The following ZNF184 variants were observed in gnomAD, a reference collection of about 807,000 sequenced individuals.
The protein encoded by ZNF184 is zinc finger protein 184 (Kruppel-like).
A neutral mutation model predicts 54.4 loss-of-function variants in ZNF184; 16 were observed. The ratio of observed to expected loss-of-function variants is 0.29; its 90% CI spans 0.20 to 0.45. The LOEUF is 0.45. Among genes scored for constraint, ZNF184 ranks in the 20% least tolerant of loss-of-function variants. The probability of loss-of-function intolerance (pLI) is 1.00; values close to 1 mark genes in which losing one functional copy is unlikely to be tolerated. For missense variants in ZNF184, 681 were observed against 888.2 expected (o/e 0.77, Z 2.97); for synonymous variants, 254 against 295.3 (o/e 0.86, Z 1.43).
the ZNF184 span, among the ~76,000 whole-genome samples, chr6:27,419,036 C>T: frequency 6.6e-6 from 1 of 151,924 alleles, no homozygotes; most frequent in Non-Finnish European, 1.5e-5. This position sits in a 1 kb window ranked among gnomAD's most constrained non-coding sequence, Gnocchi z 4.8. Context: ...TTGAGTAAGG[C>T]GATGAACTTT....
intron 3 of ZNF184, among the ~76,000 whole-genome samples, chr6:27,467,231 C>T (rs548543954): frequency 3.2e-4 from 48 of 152,266 alleles, no homozygotes; most frequent in Middle Eastern, 3.4e-3. Context: ...CTCTAATATC[C>T]ACATTACTCA....
At chr6:27,457,819 C>T (rs115314215) in intron 3 of ZNF184, among the ~76,000 whole-genome samples, 3,583 of 151,846 alleles carry the variant, frequency 0.024, 64 homozygotes, top group Non-Finnish European at 0.04. Context: ...AAAGACTTGC[C>T]CTAATACATT....
intron 3 of ZNF184, among the ~76,000 whole-genome samples, chr6:27,460,596 G>A (rs1762971181): frequency 6.6e-6 from 1 of 152,200 alleles, no homozygotes; most frequent in African/African-American, 2.4e-5. Flanking sequence ...TGGTCTTACT[G>A]AGCTGAGGAG....
At chr6:27,428,544 C>T in the ZNF184 span, among the ~76,000 whole-genome samples, 3 of 152,044 alleles carry the variant, frequency 2.0e-5, no homozygotes. This position sits in a 1 kb window ranked among gnomAD's most constrained non-coding sequence, Gnocchi z 4.1. Flanking sequence ...TCTCATCCGA[C>T]CCAAACTCCA....
intron 3 of ZNF184, among the ~76,000 whole-genome samples, chr6:27,460,482 C>T (rs1015208694): frequency 3.9e-5 from 6 of 152,080 alleles, no homozygotes; most frequent in African/African-American, 4.8e-5. Flanking sequence ...AGAAGTGATA[C>T]GGAGAGAAGG....
At chr6:27,405,601 A>G in the ZNF184 span, 1 of 152,252 alleles carries the variant, frequency 6.6e-6, no homozygotes, top group Non-Finnish European at 1.5e-5. Flanking sequence ...TAAGGGACTT[A>G]TACTTAGCGT....
chr6:27,423,987 G>C, the ZNF184 span, among the ~76,000 whole-genome samples: 2 of 152,162 alleles, frequency 1.3e-5, no homozygotes. Context: ...TCTGGAAATG[G>C]TGGGTTCTTG....
At chr6:27,431,252 A>G in the ZNF184 span, among the ~76,000 whole-genome samples, 10 of 152,220 alleles carry the variant, frequency 6.6e-5, no homozygotes, top group South Asian at 2.1e-4. Flanking sequence ...CTATTCAGGG[A>G]TGGGTTCATC....
At chr6:27,423,330 G>C in the ZNF184 span, among the ~76,000 whole-genome samples, 34 of 152,160 alleles carry the variant, frequency 2.2e-4, no homozygotes, top group Admixed American at 1.2e-3. Context: ...AACAGGAATA[G>C]CTTCTTTTCA....
intron 2 of ZNF184, among the ~76,000 whole-genome samples, chr6:27,469,141 G>T (rs55923755): frequency 0.011 from 1,719 of 152,150 alleles, 36 homozygotes; most frequent in African/African-American, 0.04. Context: ...TCTTCTTTAG[G>T]CTTCAATTTC....
chr6:27,416,447 A>G, the ZNF184 span, among the ~76,000 whole-genome samples: 3 of 152,198 alleles, frequency 2.0e-5, no homozygotes, highest in East Asian at 3.8e-4. Context: ...TTGGCTCATC[A>G]TGCTTCCTAG....
At chr6:27,409,894 A>T in the ZNF184 span, among the ~76,000 whole-genome samples, 1 of 152,222 alleles carries the variant, frequency 6.6e-6, no homozygotes, top group Non-Finnish European at 1.5e-5. Flanking sequence ...CTCTATTCAC[A>T]GGAAGTGCCC....
At position 27,459,387 on chromosome 6, in the gene ZNF184, G is replaced by GA. The variant is rs60873240; in HGVS notation, c.76-1979dup. ...ATTACATGTCAACTAAAAATTAAGG[G>GA]AAAAAAAAAAGATCAACTACCCACA... On this transcript the variant is annotated intron_variant, in intron 3 of 5. Coordinates refer to ENST00000683788, the MANE Select transcript of ZNF184 (RefSeq NM_001318891.2). Among the ~76,000 whole-genome samples the GA allele has an allele frequency of 1.7e-4, 25 of 144,942 alleles. No homozygotes were observed. The South Asian group carries it at 1.7e-3, about 10-fold the overall frequency.
the ZNF184 span, among the ~76,000 whole-genome samples, chr6:27,423,395 T>TC: frequency 4.6e-5 from 7 of 152,218 alleles, no homozygotes; most frequent in Non-Finnish European, 1.0e-4. Context: ...CTTTTTTTGT[T>TC]AGATTTTATT....
the ZNF184 span, chr6:27,406,841 T>C: frequency 0.036 from 5,438 of 152,390 alleles, 203 homozygotes; most frequent in African/African-American, 0.095. Context: ...TTCCTCCCTG[T>C]GTGCATCCCT....
Position 27,452,269 on chromosome 6 carries a change from G to A in ZNF184, c.1290C>T (p.His430=), listed in dbSNP as rs61736956. The change falls in exon 6 of 6, where the codon CAC becomes CAT. Residue 430 remains histidine, a synonymous_variant. Transcript: ENST00000683788. This position sits in a 1 kb window ranked among gnomAD's most constrained non-coding sequence, Gnocchi z 5.5. ...TTTTTTGATGCTGAGTGAGGTTTGA[G>A]TGCTGGCTGAAGGCTTTCCCACATT... is the stretch of plus-strand genomic sequence containing the variant. The part of the protein sequence containing the change: ...CNECGKAFSQ[H]SNLTQHQKTH... 1 of 1,614,056 alleles carries A rather than the reference G, an allele frequency of 6.2e-7. No homozygotes were observed. Among genetic ancestry groups the A allele is most frequent in the Middle Eastern group, 1.7e-4 (1 of 6,060 alleles).
the ZNF184 span, among the ~76,000 whole-genome samples, chr6:27,420,214 A>T: frequency 5.9e-5 from 9 of 152,212 alleles, no homozygotes; most frequent in African/African-American, 2.2e-4. Context: ...TAATATTCCC[A>T]GGTACCCAAC....
chr6:27,425,143 G>T, the ZNF184 span, among the ~76,000 whole-genome samples: 1 of 152,186 alleles, frequency 6.6e-6, no homozygotes, highest in South Asian at 2.1e-4. Context: ...CCAAGCCCAC[G>T]CCCTCCCGGA....
At chr6:27,464,860 C>G (rs2113730660) in intron 3 of ZNF184, among the ~76,000 whole-genome samples, 1 of 150,690 alleles carries the variant, frequency 6.6e-6, no homozygotes, top group East Asian at 2.0e-4. Context: ...ACTAAAAATA[C>G]AAAAAAATTA....
Sources: allele counts gnomAD v4.1 joint callset (sites outside exome capture counted in the v4.1 genomes callset), GRCh38; gene constraint gnomAD v4.1.1; non-coding constraint Gnocchi (gnomAD v3.1); transcripts MANE v1.5; gene names NCBI Gene and HGNC (gene_info 2026-07-23, HGNC 2026-07-21).